Variants in DPP10 observed in about 807,000 individuals in gnomAD.
DPP10 encodes dipeptidyl peptidase like 10.
A neutral mutation model predicts 120.9 loss-of-function variants in DPP10; 33 were observed. That is an observed-to-expected ratio of 0.27 (90% CI 0.21 to 0.37). The LOEUF is 0.37. Ranked by LOEUF, DPP10 falls within the 10% of genes least tolerant of loss-of-function variation. The pLI, the probability that DPP10 is intolerant of heterozygous loss-of-function variation, is 1.00. For missense variants in DPP10, 816 were observed against 942.8 expected (o/e 0.87, Z 1.76); for synonymous variants, 337 against 326.1 (o/e 1.03, Z -0.36).
chr2:115,447,958 T>C (rs544066896), intron 3 of DPP10, among the ~76,000 whole-genome samples: 6 of 152,322 alleles, frequency 3.9e-5, no homozygotes, highest in African/African-American at 1.4e-4. Flanking sequence ...ATAAATAATA[T>C]GTAATAAGAA....
chr2:115,597,771 G>A (rs1575290045), intron 5 of DPP10, among the ~76,000 whole-genome samples: 1 of 151,892 alleles, frequency 6.6e-6, no homozygotes, highest in Non-Finnish European at 1.5e-5. Context: ...TTTACCAAAG[G>A]TCTAAAGCAG....
chr2:115,018,013 AAAAG>A (rs1475635054), intron 1 of DPP10, among the ~76,000 whole-genome samples: 1 of 152,084 alleles, frequency 6.6e-6, no homozygotes, highest in African/African-American at 2.4e-5. Context: ...AATAAAAAAA[AAAAG>A]AGAAAAACAA....
chr2:115,135,856 G>C (rs1231224300), intron 1 of DPP10, among the ~76,000 whole-genome samples: 1 of 152,126 alleles, frequency 6.6e-6, no homozygotes, highest in East Asian at 1.9e-4. Flanking sequence ...GTTTCCTCAT[G>C]GTTTGTGATT....
Position 115,453,977 on chromosome 2 carries a change from C to G in DPP10, c.272-45533C>G, listed in dbSNP as rs150719147. On this transcript the variant is annotated intron_variant, in intron 3 of 25. Coordinates refer to ENST00000410059, the MANE Select transcript of DPP10 (RefSeq NM_020868.6). ...AATGTTATTATAATAATTTAGATAA[C>G]TAGCAAAAATGGATAAAGTCATGGA... Among the ~76,000 whole-genome samples, 308 of 151,272 alleles carry G rather than the reference C, an allele frequency of 2.0e-3. 1 individual carries two copies. The highest frequency in any genetic ancestry group is 7.3e-3 in the African/African-American group (301 of 41,428).
chr2:114,892,979 C>G lies in DPP10; in HGVS notation c.61-416260C>G, dbSNP rs183953443. ...TGCTAAAACCAATGCTCATTTGACACAAATGTTTTCTTAGGCGTATTCCAT... is the reference window on the plus strand; with the variant it reads ...TGCTAAAACCAATGCTCATTTGACAGAAATGTTTTCTTAGGCGTATTCCAT... On this transcript the variant is annotated intron_variant, in intron 1 of 25. Coordinates refer to ENST00000410059, the MANE Select transcript of DPP10 (RefSeq NM_020868.6). Among the ~76,000 whole-genome samples, 354 of 152,266 alleles carry G rather than the reference C, an allele frequency of 2.3e-3. 2 individuals carry two copies. The highest frequency in any genetic ancestry group is 8.1e-3 in the African/African-American group (336 of 41,552).
chr2:114,532,132 T>C (rs1231611528), intron 1 of DPP10, among the ~76,000 whole-genome samples: 1 of 151,292 alleles, frequency 6.6e-6, no homozygotes, highest in Non-Finnish European at 1.5e-5. Flanking sequence ...CTCTCAATTC[T>C]CAGGCCTTCA....
chr2:115,772,048 A>G (rs575883526), intron 13 of DPP10, among the ~76,000 whole-genome samples: 19 of 151,882 alleles, frequency 1.3e-4, no homozygotes, highest in Non-Finnish European at 2.5e-4. Flanking sequence ...AGTGATTCCA[A>G]AGGATACAAA....
intron 1 of DPP10, among the ~76,000 whole-genome samples, chr2:114,849,382 C>T (rs1295425288): frequency 1.3e-5 from 2 of 152,140 alleles, no homozygotes; most frequent in Non-Finnish European, 2.9e-5. Context: ...CAAAGTCTCA[C>T]TGTGTCACTC....
intron 1 of DPP10, among the ~76,000 whole-genome samples, chr2:114,754,594 C>A (rs946664050): frequency 6.6e-6 from 1 of 152,176 alleles, no homozygotes; most frequent in African/African-American, 2.4e-5. Flanking sequence ...CAAAGCTCTA[C>A]CTTTTATCAA....
At position 115,262,849 on chromosome 2, in the gene DPP10, T is replaced by C. The variant is rs575088526; in HGVS notation, c.61-46390T>C. ...CCTACAAAGAAGTAAAACTCATTCATAATAGATTGTATATTAATCCCCAAA... is the reference window on the plus strand; with the variant it reads ...CCTACAAAGAAGTAAAACTCATTCACAATAGATTGTATATTAATCCCCAAA... On this transcript the variant is annotated intron_variant, in intron 1 of 25. Coordinates refer to ENST00000410059, the MANE Select transcript of DPP10 (RefSeq NM_020868.6). 6.6e-5 allele frequency among the ~76,000 whole-genome samples: 10 copies of C among 152,014 alleles called. No homozygotes were observed. In the South Asian group the frequency reaches 2.1e-3, roughly 32 times the overall value.
intron 1 of DPP10, among the ~76,000 whole-genome samples, chr2:114,632,843 A>G (rs1259099096): frequency 1.3e-5 from 2 of 152,086 alleles, no homozygotes; most frequent in Non-Finnish European, 1.5e-5. Flanking sequence ...ATGGGTTTCA[A>G]TTAATTACCA....
At chr2:114,607,943 A>C (rs184792100) in intron 1 of DPP10, among the ~76,000 whole-genome samples, 235 of 152,310 alleles carry the variant, frequency 1.5e-3, no homozygotes, top group Admixed American at 2.7e-3. Flanking sequence ...GGAGGATTAC[A>C]GAAGTTCTTA....
At chr2:115,607,243 G>A (rs753246009) in intron 5 of DPP10, among the ~76,000 whole-genome samples, 2 of 152,118 alleles carry the variant, frequency 1.3e-5, no homozygotes, top group Admixed American at 1.3e-4. Context: ...GAGAGACAGA[G>A]TTAATATATT....
chr2:115,359,950 A>G (rs2064661711), intron 3 of DPP10, among the ~76,000 whole-genome samples: 1 of 152,074 alleles, frequency 6.6e-6, no homozygotes, highest in African/African-American at 2.4e-5. Context: ...TAAGTTTCTC[A>G]ATTCCAGAAG....
At chr2:114,828,929 T>C (rs1686809253) in intron 1 of DPP10, 2 of 152,198 alleles carry the variant, frequency 1.3e-5, no homozygotes, top group South Asian at 4.1e-4. Flanking sequence ...TAGAAAAGTT[T>C]GTGCAATAGG....
chr2:115,210,083 C>G (rs762776016), intron 1 of DPP10, among the ~76,000 whole-genome samples: 2 of 152,008 alleles, frequency 1.3e-5, no homozygotes, highest in African/African-American at 4.8e-5. Context: ...AGGTTTGCTA[C>G]GTATGTATAC....
intron 1 of DPP10, among the ~76,000 whole-genome samples, chr2:114,796,254 T>C (rs1294073469): frequency 6.6e-6 from 1 of 152,174 alleles, no homozygotes; most frequent in African/African-American, 2.4e-5. Context: ...CAGAGAAATG[T>C]CATGACATTA....
At chr2:115,113,182 T>TA (rs1458932913) in intron 1 of DPP10, among the ~76,000 whole-genome samples, 3 of 120 alleles carry the variant, frequency 0.025, no homozygotes, top group African/African-American at 0.043. Flanking sequence ...ATATAACACA[T>TA]ACAATATATG....
intron 1 of DPP10, among the ~76,000 whole-genome samples, chr2:115,298,653 G>A (rs2060993520): frequency 6.6e-6 from 1 of 151,988 alleles, no homozygotes; most frequent in Admixed American, 6.6e-5. Context: ...CTGACCTTGG[G>A]GACTGTTTCC....
Sources: allele counts gnomAD v4.1 joint callset (sites outside exome capture counted in the v4.1 genomes callset), GRCh38; gene constraint gnomAD v4.1.1; transcripts MANE v1.5; gene names NCBI Gene and HGNC (gene_info 2026-07-23, HGNC 2026-07-21).